The following TRIP12 variants were observed in gnomAD, a reference collection of about 807,000 sequenced individuals.
TRIP12 encodes the protein E3 ubiquitin-protein ligase TRIP12.
In TRIP12, 25 loss-of-function variants were observed where a neutral mutation model predicts 244.2. That is an observed-to-expected ratio of 0.10 (90% confidence interval 0.07 to 0.14). The LOEUF (loss-of-function observed/expected upper bound fraction) is 0.14, where lower values mean the gene tolerates loss of function less well. TRIP12 is among the 10% of genes least tolerant of loss of function. The pLI, the probability that TRIP12 is intolerant of heterozygous loss-of-function variation, is 1.00. For synonymous variants in TRIP12, 905 were observed against 873.1 expected, an observed-to-expected ratio of 1.04 and a Z score of -0.64; for missense variants, 1,677 against 2,486.4, an observed-to-expected ratio of 0.67 and a Z score of 6.92.
At chr2:229,879,921 G>A (rs972868818) in intron 2 of TRIP12, 61 bp downstream of exon 2, 16 of 1,578,308 alleles carry the variant, frequency 1.0e-5, no homozygotes, top group Admixed American at 1.0e-4. Context: ...CTCGCAAGGA[G>A]GCTTAAAAAT....
At position 229,778,342 on chromosome 2, in the gene TRIP12, C is replaced by T. The variant is rs1349384799; in HGVS notation, c.5364+91G>A. On this transcript the variant is annotated intron_variant, in intron 36 of 41. Coordinates refer to ENST00000675903, the MANE Select transcript of TRIP12 (RefSeq NM_001348323.3). This position sits in a 1 kb window ranked among gnomAD's most constrained non-coding sequence, Gnocchi z 4.1. Reference sequence around the variant, plus strand: ...GTATTGAAGTTTGAGAAGCATTGCTCTAAACTATAGCAGTAAACTACAGGG... The same window carrying T: ...GTATTGAAGTTTGAGAAGCATTGCTTTAAACTATAGCAGTAAACTACAGGG... 3 of 1,477,872 alleles carry T rather than the reference C, an allele frequency of 2.0e-6. No individual in the cohort carries two copies. The highest frequency in any genetic ancestry group is 4.0e-5 in the Admixed American group (2 of 50,134). The allele number at this position is 1,477,872 out of a possible 1,614,324, so 91.5% of individuals were successfully genotyped here. A position where few individuals can be genotyped will look rare whatever the true frequency, so the allele number is the denominator to read the frequency against.
intron 1 of TRIP12, among the ~76,000 whole-genome samples, chr2:229,888,567 A>C (rs2154360053): frequency 6.6e-6 from 1 of 152,280 alleles, no homozygotes; most frequent in African/African-American, 2.4e-5. Context: ...AGAGTTCAAA[A>C]AACTCAAAAA....
At chr2:229,811,718 T>C (rs191853328) in intron 13 of TRIP12, among the ~76,000 whole-genome samples, 64 of 152,290 alleles carry the variant, frequency 4.2e-4, no homozygotes, top group Admixed American at 7.2e-4. Flanking sequence ...TTGCCATATT[T>C]GTCATAAAAA....
At position 229,778,675 on chromosome 2, in the gene TRIP12, C is replaced by T. The variant is rs77270712; in HGVS notation, c.5210-88G>A. On this transcript the variant is annotated intron_variant, in intron 35 of 41. Coordinates refer to ENST00000675903, the MANE Select transcript of TRIP12 (RefSeq NM_001348323.3). The surrounding 1 kb of genome is among the most constrained non-coding windows in gnomAD (Gnocchi z 4.1). ...AACTAAGAACATTTAAGAAATTAAGCATTCTCAAAATTGGAGTGCAGATCA... is the reference window on the plus strand; with the variant it reads ...AACTAAGAACATTTAAGAAATTAAGTATTCTCAAAATTGGAGTGCAGATCA... 6.5e-7 allele frequency: 1 copy of T among 1,535,982 alleles called. No individual in the cohort carries two copies. Among genetic ancestry groups the T allele is most frequent in the African/African-American group, 1.4e-5 (1 of 72,256 alleles).
At chr2:229,786,517 C>T (rs1277122472) in intron 33 of TRIP12, among the ~76,000 whole-genome samples, 1 of 150,804 alleles carries the variant, frequency 6.6e-6, no homozygotes, top group Non-Finnish European at 1.5e-5. Flanking sequence ...CTTGCCTCAG[C>T]CTCCCAAGTA....
In TRIP12 at chr2:229,796,823, A is replaced by G. The variant is rs540206271; in HGVS notation, c.3625-41T>C. The G allele has an allele frequency of 1.2e-4, 173 of 1,497,686 alleles. No individual in the cohort carries two copies. In the South Asian group the frequency reaches 2.2e-3, roughly 19 times the overall value. 92.8% of individuals were successfully genotyped at this position (1,497,686 alleles called of 1,614,324 possible). ...AAAGTATTTCTATATTGATTTAAGC[A>G]GCACTTAAAAAATACACAACTCACA... On this transcript the variant is annotated intron_variant, in intron 24 of 41. Coordinates refer to ENST00000675903, the MANE Select transcript of TRIP12 (RefSeq NM_001348323.3).
chr2:229,916,727 A>G (rs2075459563), intron 1 of TRIP12, among the ~76,000 whole-genome samples: 1 of 152,192 alleles, frequency 6.6e-6, no homozygotes, highest in Non-Finnish European at 1.5e-5. Context: ...GGCCTCAGAG[A>G]AAAATGACTG....
chr2:229,792,943 T>A, intron 27 of TRIP12, 30 bp downstream of exon 27: 1 of 1,602,836 alleles, frequency 6.2e-7, no homozygotes, highest in Non-Finnish European at 8.5e-7. Flanking sequence ...TATACATATA[T>A]AACACACGAA....
At chr2:229,832,714 C>G (rs1274395921) in intron 6 of TRIP12, among the ~76,000 whole-genome samples, 1 of 152,194 alleles carries the variant, frequency 6.6e-6, no homozygotes, top group African/African-American at 2.4e-5. Flanking sequence ...GCTGAGAGAT[C>G]TGAACTCAGG....
In TRIP12 at chr2:229,796,677, G is replaced by A; in HGVS notation, c.3730C>T (p.Leu1244Phe). ...QHSGFVKQLLLYLTSKSEKDA... is the reference protein window; with the variant it reads ...QHSGFVKQLLFYLTSKSEKDA... ...TTTTCACTTTTAGATGTCAAATAAA[G>A]CAACAGCTGCTTCACAAATCCACTA... The change falls in exon 25 of 42, where the codon CTT becomes TTT. Residue 1244 changes from leucine (L) to phenylalanine (F), a missense_variant. Physicochemically the swap from Leu to Phe is conservative, Grantham distance 22. Transcript: ENST00000675903. 1.2e-6 allele frequency: 2 copies of A among 1,613,206 alleles called. No homozygotes were observed. Among genetic ancestry groups the A allele is most frequent in the South Asian group, 2.2e-5 (2 of 90,900 alleles).
At chr2:229,880,245 C>A in intron 1 of TRIP12, 117 bp from the exon 2 acceptor site, 1 of 643,916 alleles carries the variant, frequency 1.6e-6, no homozygotes, top group South Asian at 2.0e-5. Context: ...ATTTTACAGC[C>A]TTCACCCATG....
At position 229,814,318 on chromosome 2, in the gene TRIP12, A is replaced by T; in HGVS notation, c.1739T>A (p.Val580Asp). The T allele has an allele frequency of 6.2e-7, 1 of 1,613,982 alleles. No individual in the cohort carries two copies. Among genetic ancestry groups the T allele is most frequent in the Non-Finnish European group, 8.5e-7 (1 of 1,179,928 alleles). ...CTCTGCCACATCAATACACTGAATA[A>T]CTTGCAGCTGGGAACATATATATAG... Reference protein sequence around the residue: ...AIPVFLEKLQVIQCIDVAEQA... With the variant: ...AIPVFLEKLQDIQCIDVAEQA... The change falls in exon 12 of 42, where the codon GTT (valine) becomes GAT (aspartate). Residue 580 changes from valine (V) to aspartate (D), a missense_variant. By Grantham distance (152) the Val-to-Asp change is radical (BLOSUM62 -3). This residue lies in a region of TRIP12 where 572 missense variants were observed against 867.8 expected (regional missense o/e 0.66). Coordinates refer to ENST00000675903, the MANE Select transcript of TRIP12 (RefSeq NM_001348323.3).
chr2:229,807,128 A>G (rs1423863981), intron 17 of TRIP12, among the ~76,000 whole-genome samples: 2 of 152,226 alleles, frequency 1.3e-5, no homozygotes, highest in African/African-American at 4.8e-5. Context: ...CCTTTGTATT[A>G]TTCATATGTT....
chr2:229,807,381 C>A (rs966039705), intron 17 of TRIP12: 1 of 321,192 alleles, frequency 3.1e-6, no homozygotes, highest in African/African-American at 2.1e-5. Flanking sequence ...TGGGACATTG[C>A]TTTCTGATAG....
chr2:229,849,513 T>A (rs1301956684), intron 4 of TRIP12, among the ~76,000 whole-genome samples: 3 of 151,564 alleles, frequency 2.0e-5, no homozygotes, highest in Non-Finnish European at 1.5e-5. Context: ...CACTGAAACT[T>A]CAAAATAATC....
chr2:229,835,073 T>C (rs918857435), intron 6 of TRIP12, among the ~76,000 whole-genome samples: 2 of 152,224 alleles, frequency 1.3e-5, no homozygotes, highest in African/African-American at 4.8e-5. Context: ...AAGCACATTA[T>C]CATGAAGAAC....
chr2:229,842,527 GA>G (rs1553680337), intron 4 of TRIP12, among the ~76,000 whole-genome samples: 3 of 151,902 alleles, frequency 2.0e-5, no homozygotes, highest in Non-Finnish European at 4.4e-5. Flanking sequence ...GTAGACTTAC[GA>G]ATGTACAGTT....
At chr2:229,835,834 T>C (rs765906699) in intron 6 of TRIP12, among the ~76,000 whole-genome samples, 78 of 152,192 alleles carry the variant, frequency 5.1e-4, no homozygotes, top group South Asian at 1.0e-3. Context: ...GGACAGACTG[T>C]GAGTCACAAC....
chr2:229,849,989 T>C (rs1176972452), intron 4 of TRIP12, among the ~76,000 whole-genome samples: 4 of 151,308 alleles, frequency 2.6e-5, no homozygotes, highest in Non-Finnish European at 1.5e-5. Flanking sequence ...TGATTTTGTA[T>C]TTTTCTTCTT....
Sources: gnomAD v4.1 joint callset for allele counts (sites outside exome capture counted in the v4.1 genomes callset) on GRCh38, gnomAD v4.1.1 for gene constraint, gnomAD v4.1.1 regional missense constraint, Gnocchi (gnomAD v3.1) non-coding constraint, MANE v1.5 for transcripts, NCBI Gene and HGNC (gene_info 2026-07-23, HGNC 2026-07-21) for gene names.